The following AFF4 variants were observed in gnomAD, a reference collection of about 807,000 sequenced individuals.
AFF4 encodes ALF transcription elongation factor 4.
In AFF4, 13 loss-of-function variants were observed where a neutral mutation model predicts 124.8. The ratio of observed to expected loss-of-function variants is 0.10; its 90% CI spans 0.07 to 0.17. AFF4 has a LOEUF of 0.17. AFF4 is among the 10% of genes least tolerant of loss of function. The pLI, the probability that AFF4 is intolerant of heterozygous loss-of-function variation, is 1.00. For missense variants in AFF4, 1,092 were observed against 1,403.8 expected (o/e 0.78, Z 3.55); for synonymous variants, 477 against 496.1 (o/e 0.96, Z 0.51).
chr5:132,881,641 G>C (rs1759980485), intron 20 of AFF4, among the ~76,000 whole-genome samples: 1 of 152,012 alleles, frequency 6.6e-6, no homozygotes, highest in South Asian at 2.1e-4. Flanking sequence ...CAAACTTTCG[G>C]CTACCATCAT....
intron 5 of AFF4, among the ~76,000 whole-genome samples, chr5:132,908,739 C>A: frequency 6.9e-6 from 1 of 145,710 alleles, no homozygotes; most frequent in Admixed American, 6.9e-5. Flanking sequence ...CATATATAAT[C>A]TATACACTAT....
At chr5:132,894,810 C>T (rs547230903) in intron 11 of AFF4, among the ~76,000 whole-genome samples, 1 of 152,052 alleles carries the variant, frequency 6.6e-6, no homozygotes, top group African/African-American at 2.4e-5. Flanking sequence ...AAAAATTAGC[C>T]AGGTGTGGGG....
At chr5:132,885,571 G>A (rs1760099686) in intron 18 of AFF4, among the ~76,000 whole-genome samples, 1 of 152,134 alleles carries the variant, frequency 6.6e-6, no homozygotes. Flanking sequence ...GCCTAAAGCA[G>A]AGGTTTAGAC....
intron 14 of AFF4, 133 bp from the exon 15 acceptor site, chr5:132,888,293 G>C (rs954929503): frequency 2.2e-5 from 15 of 683,154 alleles, no homozygotes; most frequent in African/African-American, 1.4e-4. Flanking sequence ...ATTTGTTTCA[G>C]TATTTTCTGA....
At chr5:132,894,468 A>T (rs980336007) in intron 11 of AFF4, among the ~76,000 whole-genome samples, 1 of 152,224 alleles carries the variant, frequency 6.6e-6, no homozygotes. Context: ...TTTTGCTTCA[A>T]ATATCAGGGC....
chr5:132,881,143 A>G lies in AFF4; in HGVS notation c.3408T>C (p.Phe1136=), dbSNP rs777845018. Residue 1136 remains phenylalanine, a synonymous_variant, in exon 21 of 21, where the codon TTT becomes TTC. Coordinates refer to ENST00000265343, the MANE Select transcript of AFF4 (RefSeq NM_014423.4). ...CTAGATCTGTCATGATGCTTGCATTAAAGATGAGAGGGCCCATTACTTTAT... is the reference window on the plus strand; with the variant it reads ...CTAGATCTGTCATGATGCTTGCATTGAAGATGAGAGGGCCCATTACTTTAT... The part of the protein sequence containing the change: ...ELDKVMGPLI[F]NASIMTDLVR... 6.2e-7 allele frequency: 1 copy of G among 1,614,232 alleles called. No homozygotes were observed. Among genetic ancestry groups the G allele is most frequent in the East Asian group, 2.2e-5 (1 of 44,884 alleles).
chr5:132,898,428 A>AT (rs762489627), intron 9 of AFF4, 36 bp from the exon 10 acceptor site: 2 of 1,586,396 alleles, frequency 1.3e-6, no homozygotes, highest in Non-Finnish European at 1.7e-6. Flanking sequence ...TCCAAAGTTT[A>AT]TTTTACATTG....
At chr5:132,939,216 C>CAA (rs33952107) in intron 1 of AFF4, among the ~76,000 whole-genome samples, 17,353 of 122,842 alleles carry the variant, frequency 0.14, 1,312 homozygotes, top group South Asian at 0.21. Flanking sequence ...GACCCTTTCT[C>CAA]AAAAAAAAAA....
chr5:132,903,258 C>G (rs542066095), intron 6 of AFF4, among the ~76,000 whole-genome samples: 98 of 152,228 alleles, frequency 6.4e-4, no homozygotes, highest in Middle Eastern at 3.4e-3. Context: ...TTCCTGTAAG[C>G]TACGGCCTTT....
At chr5:132,946,362 A>G (rs1208175596) in intron 1 of AFF4, among the ~76,000 whole-genome samples, 2 of 152,352 alleles carry the variant, frequency 1.3e-5, no homozygotes, top group South Asian at 2.1e-4. Context: ...CATGTACACC[A>G]ATGTTCATAG....
At chr5:132,928,959 T>C (rs1761241705) in intron 4 of AFF4, among the ~76,000 whole-genome samples, 1 of 152,192 alleles carries the variant, frequency 6.6e-6, no homozygotes, top group Non-Finnish European at 1.5e-5. Flanking sequence ...CATCCAGCTC[T>C]AGAATATCAG....
chr5:132,930,323 C>CA (rs1329502362), intron 4 of AFF4, among the ~76,000 whole-genome samples: 9 of 151,594 alleles, frequency 5.9e-5, no homozygotes, highest in African/African-American at 2.2e-4. Context: ...ACAAGGGTTC[C>CA]AAAAAGGGCA....
At chr5:132,885,165 T>C in intron 18 of AFF4, 46 bp from the exon 19 acceptor site, 1 of 1,415,220 alleles carries the variant, frequency 7.1e-7, no homozygotes, top group South Asian at 1.3e-5. Flanking sequence ...AAACCACCAC[T>C]ACTTTAAGAA....
chr5:132,895,506 T>C (rs1409644592), intron 11 of AFF4, among the ~76,000 whole-genome samples: 2 of 152,226 alleles, frequency 1.3e-5, no homozygotes, highest in Non-Finnish European at 2.9e-5. Context: ...CTGGTACCTA[T>C]CTGTTCACCT....
At chr5:132,943,121 A>T in intron 1 of AFF4, 1 of 173,128 alleles carries the variant, frequency 5.8e-6, no homozygotes, top group Non-Finnish European at 1.3e-5. Flanking sequence ...TCTCAGGCTG[A>T]CTGTGCTACC....
chr5:132,902,343 C>A, intron 7 of AFF4, 99 bp downstream of exon 7: 1 of 1,023,042 alleles, frequency 9.8e-7, no homozygotes, highest in Admixed American at 2.0e-5. Context: ...CCACCCTGCC[C>A]AGCCTCAATA....
chr5:132,958,983 A>G (rs1443953005), intron 1 of AFF4, among the ~76,000 whole-genome samples: 1 of 152,216 alleles, frequency 6.6e-6, no homozygotes. Flanking sequence ...CTAGGAAATG[A>G]TTATTGAAGT....
Position 132,896,807 on chromosome 5 carries a change from G to A in AFF4, c.1823C>T (p.Ser608Leu), listed in dbSNP as rs1760413466. The A allele has an allele frequency of 6.2e-7, 1 of 1,613,938 alleles. No individual in the cohort carries two copies. The highest frequency in any genetic ancestry group is 8.5e-7 in the Non-Finnish European group (1 of 1,180,030). ...CTCCTTCTTTATATTGGGTTTCCTT[G>A]AGCCTTTGGTGGCTGCTTTGTGTCT... ...SSRHKAATKG[S>L]RKPNIKKESK... The change falls in exon 11 of 21, where the codon TCA (serine) becomes TTA (leucine). Residue 608 changes from serine (S) to leucine (L), a missense_variant. Physicochemically the swap from Ser to Leu is moderately radical, Grantham distance 145. Around this residue, in one of 11 missense-constraint regions of AFF4, gnomAD observed 174 missense variants for 205.9 expected, o/e 0.84. Transcript: ENST00000265343.
intron 5 of AFF4, among the ~76,000 whole-genome samples, chr5:132,910,546 T>C (rs1453745341): frequency 6.6e-6 from 1 of 152,190 alleles, no homozygotes; most frequent in Admixed American, 6.5e-5. Context: ...GGAGAGTAAG[T>C]ACCTATTAAA....
Sources: allele counts gnomAD v4.1 joint callset (sites outside exome capture counted in the v4.1 genomes callset), GRCh38; gene constraint gnomAD v4.1.1; regional missense constraint gnomAD v4.1.1; transcripts MANE v1.5; gene names NCBI Gene and HGNC (gene_info 2026-07-23, HGNC 2026-07-21).